HIVEP2: variants seen among roughly 807,000 people sequenced by gnomAD.
The protein encoded by HIVEP2 is transcription factor HIVEP2.
HIVEP2 carries 14 observed loss-of-function variants against 180.7 expected under a neutral mutation model. The ratio of observed to expected loss-of-function variants is 0.08; its 90% CI spans 0.05 to 0.12. The LOEUF (loss-of-function observed/expected upper bound fraction) is 0.12, where lower values mean the gene tolerates loss of function less well. Ranked by LOEUF, HIVEP2 falls within the 10% of genes least tolerant of loss-of-function variation. The probability of loss-of-function intolerance (pLI) is 1.00; values close to 1 mark genes in which losing one functional copy is unlikely to be tolerated. For missense variants in HIVEP2, 2,579 were observed against 3,008.5 expected (o/e 0.86, Z 3.34); for synonymous variants, 1,184 against 1,136.4 (o/e 1.04, Z -0.84).
At chr6:142,793,649 T>TTTCC (rs1776200092) in intron 2 of HIVEP2, among the ~76,000 whole-genome samples, 3 of 43,724 alleles carry the variant, frequency 6.9e-5, no homozygotes, top group East Asian at 2.9e-3. Flanking sequence ...TCTTTCTTTC[T>TTTCC]TTCTTTCTTT....
chr6:142,810,103 T>A (rs989373983), intron 2 of HIVEP2, among the ~76,000 whole-genome samples: 2 of 152,086 alleles, frequency 1.3e-5, no homozygotes, highest in Non-Finnish European at 2.9e-5. Context: ...CATCACATCG[T>A]CCATAGGGAT....
chr6:142,911,831 T>A (rs1189288718), intron 1 of HIVEP2, among the ~76,000 whole-genome samples: 1 of 152,214 alleles, frequency 6.6e-6, no homozygotes, highest in African/African-American at 2.4e-5. Context: ...TGTAGATCTA[T>A]GCATGAGTGT....
chr6:142,898,976 TC>T (rs1777065026), intron 1 of HIVEP2, among the ~76,000 whole-genome samples: 1 of 152,220 alleles, frequency 6.6e-6, no homozygotes, highest in African/African-American at 2.4e-5. Flanking sequence ...GGGCTTGGCT[TC>T]CTCTGTATCA....
chr6:142,912,003 T>C (rs1261215589), intron 1 of HIVEP2, among the ~76,000 whole-genome samples: 1 of 152,224 alleles, frequency 6.6e-6, no homozygotes, highest in East Asian at 1.9e-4. Flanking sequence ...TGTGATTTGA[T>C]TTGTGATCAA....
intron 1 of HIVEP2, among the ~76,000 whole-genome samples, chr6:142,912,317 C>T (rs1280841561): frequency 6.6e-6 from 1 of 152,212 alleles, no homozygotes; most frequent in Admixed American, 6.5e-5. Context: ...TTATTTACAT[C>T]TAGTTCCAAA....
chr6:142,943,232 G>T lies in HIVEP2; in HGVS notation c.-641+1867C>A, dbSNP rs1448680164. Reference sequence around the variant, plus strand: ...TCAAACCCAATCTACTCATTCCACAGTCTACTTCGTTAAAATTCTGCTTCT... The same window carrying T: ...TCAAACCCAATCTACTCATTCCACATTCTACTTCGTTAAAATTCTGCTTCT... On this transcript the variant is annotated intron_variant, in intron 1 of 9. Coordinates refer to ENST00000367603, the MANE Select transcript of HIVEP2 (RefSeq NM_006734.4). This position sits in a 1 kb window ranked among gnomAD's most constrained non-coding sequence, Gnocchi z 4.5. Among the ~76,000 whole-genome samples the T allele has an allele frequency of 6.6e-6, 1 of 152,082 alleles. No individual in the cohort carries two copies. The highest frequency in any genetic ancestry group is 1.5e-5 in the Non-Finnish European group (1 of 68,010).
intron 1 of HIVEP2, among the ~76,000 whole-genome samples, chr6:142,869,047 T>C (rs1041447871): frequency 2.0e-5 from 3 of 152,172 alleles, no homozygotes; most frequent in Non-Finnish European, 4.4e-5. Flanking sequence ...TAGGGGATAT[T>C]TGGCAATGTC....
intron 6 of HIVEP2, among the ~76,000 whole-genome samples, chr6:142,767,289 G>C (rs528353809): frequency 5.9e-5 from 9 of 152,170 alleles, no homozygotes; most frequent in Admixed American, 3.3e-4. Context: ...TAAAAGATGG[G>C]GGATGTCAAA....
intron 2 of HIVEP2, among the ~76,000 whole-genome samples, chr6:142,826,915 C>T (rs1049730824): frequency 2.0e-5 from 3 of 152,236 alleles, no homozygotes; most frequent in East Asian, 1.9e-4. Context: ...TGTCAGCTGC[C>T]GGCCTGGGAT....
intron 2 of HIVEP2, among the ~76,000 whole-genome samples, chr6:142,825,546 A>G (rs1034232052): frequency 1.3e-5 from 2 of 152,220 alleles, no homozygotes; most frequent in Admixed American, 6.5e-5. Flanking sequence ...TAAGGTTTTG[A>G]TAATATTAGA....
intron 1 of HIVEP2, among the ~76,000 whole-genome samples, chr6:142,895,293 G>A (rs908501498): frequency 1.3e-5 from 2 of 151,830 alleles, no homozygotes; most frequent in Non-Finnish European, 2.9e-5. Context: ...ATAAAAATCT[G>A]GTAGAAATGT....
At chr6:142,940,310 T>C (rs1217998212) in intron 1 of HIVEP2, among the ~76,000 whole-genome samples, 1 of 152,250 alleles carries the variant, frequency 6.6e-6, no homozygotes, top group Non-Finnish European at 1.5e-5. Context: ...TAATAATAGT[T>C]AATTTACAGG....
At chr6:142,929,017 A>T (rs1053019873) in intron 1 of HIVEP2, among the ~76,000 whole-genome samples, 1 of 152,212 alleles carries the variant, frequency 6.6e-6, no homozygotes, top group Non-Finnish European at 1.5e-5. Flanking sequence ...TGTAGTGGAT[A>T]TCTGTTTCCT....
At chr6:142,890,717 C>T (rs1404328606) in intron 1 of HIVEP2, among the ~76,000 whole-genome samples, 2 of 152,126 alleles carry the variant, frequency 1.3e-5, no homozygotes, top group Non-Finnish European at 2.9e-5. Context: ...TGAGATAAAT[C>T]AGACATATAA....
At chr6:142,924,993 T>G (rs904501680) in intron 1 of HIVEP2, among the ~76,000 whole-genome samples, 3 of 152,200 alleles carry the variant, frequency 2.0e-5, no homozygotes, top group African/African-American at 4.8e-5. Context: ...CGGCCACATC[T>G]TTTGAGGCCA....
At chr6:142,884,192 G>A (rs1408826014) in intron 1 of HIVEP2, among the ~76,000 whole-genome samples, 1 of 152,074 alleles carries the variant, frequency 6.6e-6, no homozygotes, top group Non-Finnish European at 1.5e-5. Context: ...TGAGGGTACT[G>A]GATCTTGGAA....
intron 1 of HIVEP2, among the ~76,000 whole-genome samples, chr6:142,907,332 G>C (rs1777289577): frequency 6.6e-6 from 1 of 152,084 alleles, no homozygotes; most frequent in South Asian, 2.1e-4. Flanking sequence ...AAAACCAGCT[G>C]CTGCTTTCCC....
At chr6:142,917,853 G>A (rs1477994457) in intron 1 of HIVEP2, among the ~76,000 whole-genome samples, 1 of 152,072 alleles carries the variant, frequency 6.6e-6, no homozygotes. Context: ...TTGGCTCACT[G>A]CAAGCTCCGC....
intron 2 of HIVEP2, among the ~76,000 whole-genome samples, chr6:142,831,256 T>G (rs1775072127): frequency 1.3e-5 from 2 of 152,176 alleles, no homozygotes. Context: ...CAGCCTGGGA[T>G]TCGAGTCTCC....
Sources: gnomAD v4.1 joint callset for allele counts (sites outside exome capture counted in the v4.1 genomes callset) on GRCh38, gnomAD v4.1.1 for gene constraint, Gnocchi (gnomAD v3.1) non-coding constraint, MANE v1.5 for transcripts, NCBI Gene and HGNC (gene_info 2026-07-23, HGNC 2026-07-21) for gene names.